ZSCAN2: variants seen among roughly 807,000 people sequenced by gnomAD.
ZSCAN2 encodes zinc finger and SCAN domain containing 2, also known as zinc finger and SCAN domain-containing protein 2.
ZSCAN2 carries 26 observed loss-of-function variants against 47.8 expected under a neutral mutation model. The ratio of observed to expected loss-of-function variants is 0.54; its 90% CI spans 0.40 to 0.75. ZSCAN2 has a LOEUF of 0.75. ZSCAN2 is among the 30% of genes least tolerant of loss of function. The pLI is 0.00. For missense variants in ZSCAN2, 732 were observed against 785.4 expected, an observed-to-expected ratio of 0.93 and a Z score of 0.81; for synonymous variants, 305 against 288.7, an observed-to-expected ratio of 1.06 and a Z score of -0.57.
Position 84,610,050 on chromosome 15 carries a change from C to T in ZSCAN2, c.406+5717C>T, listed in dbSNP as rs977574159. Among the ~76,000 whole-genome samples, 7 of 152,288 alleles carry T rather than the reference C, an allele frequency of 4.6e-5. No homozygotes were observed. In the East Asian group the frequency reaches 7.7e-4, roughly 17 times the overall value. Reference sequence around the variant, plus strand: ...GCTGTGCACGTGAGGCCAGAGCTCACGTGGCAAGTGCGAGAAATACAAGGA... The same window carrying T: ...GCTGTGCACGTGAGGCCAGAGCTCATGTGGCAAGTGCGAGAAATACAAGGA... On this transcript the variant is annotated intron_variant, in intron 2 of 2. Coordinates refer to ENST00000546148, the MANE Select transcript of ZSCAN2 (RefSeq NM_181877.4).
chr15:84,618,755 G>T (rs1394322498), intron 2 of ZSCAN2, among the ~76,000 whole-genome samples: 1 of 151,756 alleles, frequency 6.6e-6, no homozygotes, highest in Non-Finnish European at 1.5e-5. Context: ...TTAGAGACGG[G>T]GTTTCACCAT....
intron 2 of ZSCAN2, among the ~76,000 whole-genome samples, chr15:84,618,446 T>A (rs913540013): frequency 2.0e-5 from 3 of 152,054 alleles, no homozygotes; most frequent in Non-Finnish European, 2.9e-5. Flanking sequence ...CAGCTTTTTT[T>A]AGGATTGAGG....
At chr15:84,606,295 C>CT in intron 2 of ZSCAN2, 1 of 472,220 alleles carries the variant, frequency 2.1e-6, no homozygotes, top group Non-Finnish European at 3.8e-6. Flanking sequence ...GCTTGTCTCA[C>CT]TAAGAATCCT....
At chr15:84,619,217 G>A (rs1219244333) in intron 2 of ZSCAN2, among the ~76,000 whole-genome samples, 1 of 152,062 alleles carries the variant, frequency 6.6e-6, no homozygotes, top group African/African-American at 2.4e-5. Context: ...GGATCACAAG[G>A]TCAGGAGATC....
At chr15:84,607,866 AGTT>A (rs1046705795) in intron 2 of ZSCAN2, among the ~76,000 whole-genome samples, 62 of 152,206 alleles carry the variant, frequency 4.1e-4, no homozygotes, top group African/African-American at 1.5e-3. Context: ...ATAAAATCCC[AGTT>A]GTTCTTTGAG....
chr15:84,610,073 G>T (rs1895500231), intron 2 of ZSCAN2, among the ~76,000 whole-genome samples: 1 of 152,240 alleles, frequency 6.6e-6, no homozygotes, highest in Admixed American at 6.5e-5. Flanking sequence ...AGAAATACAA[G>T]GACCGTTGGC....
intron 2 of ZSCAN2, among the ~76,000 whole-genome samples, chr15:84,619,167 C>T (rs1344122432): frequency 6.6e-6 from 1 of 152,286 alleles, no homozygotes; most frequent in Non-Finnish European, 1.5e-5. Flanking sequence ...CGCGGTGGCT[C>T]ACGCCTGTAA....
At chr15:84,617,183 C>T (rs927455811) in intron 2 of ZSCAN2, among the ~76,000 whole-genome samples, 3 of 151,766 alleles carry the variant, frequency 2.0e-5, no homozygotes, top group Non-Finnish European at 4.4e-5. Flanking sequence ...CGCCTCTAAT[C>T]CCAGCACTTT....
rs542212140 is a variant in ZSCAN2, at chr15:84,611,289, A to T, written c.406+6956A>T. Among the ~76,000 whole-genome samples, 83 of 152,070 alleles carry T rather than the reference A, an allele frequency of 5.5e-4. 1 individual carries two copies. Among genetic ancestry groups the T allele is most frequent in the African/African-American group, 1.9e-3 (79 of 41,452 alleles). On this transcript the variant is annotated intron_variant, in intron 2 of 2. Coordinates refer to ENST00000546148, the MANE Select transcript of ZSCAN2 (RefSeq NM_181877.4). ...GAGCAAGACTCCGTCTCCAAAAAAA[A>T]AATTTTTTTCTTTTTAATTAGCCAG...
At chr15:84,614,580 C>T (rs940930141) in intron 2 of ZSCAN2, 2 of 152,172 alleles carry the variant, frequency 1.3e-5, no homozygotes, top group East Asian at 3.8e-4. Flanking sequence ...ATGTTCAAAG[C>T]TGTTTGCCTA....
intron 2 of ZSCAN2, among the ~76,000 whole-genome samples, chr15:84,619,005 G>A (rs973116820): frequency 4.6e-5 from 7 of 152,136 alleles, no homozygotes; most frequent in Admixed American, 2.6e-4. Context: ...CCTCATCCTC[G>A]GGTAGATTTT....
Position 84,603,950 on chromosome 15 carries a change from G to T in ZSCAN2, c.23G>T (p.Arg8Ile). 1 of 1,613,796 alleles carries T rather than the reference G, an allele frequency of 6.2e-7. No homozygotes were observed. The highest frequency in any genetic ancestry group is 2.2e-5 in the East Asian group (1 of 44,870). Residue 8 changes from arginine to isoleucine, a missense_variant, in exon 2 of 3, where the codon AGA becomes ATA. Physicochemically the swap from Arg to Ile is moderately conservative, Grantham distance 97. Coordinates refer to ENST00000546148, the MANE Select transcript of ZSCAN2 (RefSeq NM_181877.4). Reference sequence around the variant, plus strand: ...TGGATGATGGCTGCAGACATCCCGAGAGTGACCACTCCGCTGAGCTCCTTG... The same window carrying T: ...TGGATGATGGCTGCAGACATCCCGATAGTGACCACTCCGCTGAGCTCCTTG... MMAADIP[R>I]VTTPLSSLVQ...
rs1280050572 is a variant in ZSCAN2 at position 84,615,902 on chromosome 15, CATTTA to C, written c.407-4696_407-4692del. Among the ~76,000 whole-genome samples, 7 of 152,188 alleles carry C rather than the reference CATTTA, an allele frequency of 4.6e-5. 1 individual carries two copies. The highest frequency in any genetic ancestry group is 2.0e-4 in the Admixed American group (3 of 15,280). ...TATTCCTTTATAAAGGCAGTTGCCT[CATTTA>C]ATTATTTTTATGGATGGAAATGATC... On this transcript the variant is annotated intron_variant, in intron 2 of 2. Transcript: ENST00000546148.
At position 84,621,097 on chromosome 15, in the gene ZSCAN2, C is replaced by A; in HGVS notation, c.902C>A (p.Thr301Lys). Reference sequence around the variant, plus strand: ...CTCATAACCCACCAGAGGATCCACACGGGGGAAAAGCCCTTCCAGTGTGCC... The same window carrying A: ...CTCATAACCCACCAGAGGATCCACAAGGGGGAAAAGCCCTTCCAGTGTGCC... The part of the protein sequence containing the change: ...ANLITHQRIH[T>K]GEKPFQCAEC... The change falls in exon 3 of 3, where the codon ACG (threonine) becomes AAG (lysine). Residue 301 changes from threonine to lysine, a missense_variant. Thr to Lys is a moderately conservative substitution (Grantham distance 78). Transcript: ENST00000546148. The surrounding 1 kb of genome is among the most constrained non-coding windows in gnomAD (Gnocchi z 5.7). 1 of 1,614,004 alleles carries A rather than the reference C, an allele frequency of 6.2e-7. No homozygotes were observed.
chr15:84,610,308 A>C (rs1895506795), intron 2 of ZSCAN2, among the ~76,000 whole-genome samples: 1 of 152,208 alleles, frequency 6.6e-6, no homozygotes, highest in Non-Finnish European at 1.5e-5. Flanking sequence ...AATAGACAGG[A>C]TCTGAAATGA....
chr15:84,621,375 G>A lies in ZSCAN2; in HGVS notation c.1180G>A (p.Asp394Asn), dbSNP rs140001287. 1.2e-5 allele frequency: 19 copies of A among 1,613,726 alleles called. No individual in the cohort carries two copies. Among genetic ancestry groups the A allele is most frequent in the South Asian group, 3.3e-5 (3 of 91,054 alleles). The change falls in exon 3 of 3, where the codon GAC (aspartate) becomes AAC (asparagine). Residue 394 changes from aspartate (D) to asparagine (N), a missense_variant. Physicochemically the swap from Asp to Asn is conservative, Grantham distance 23 (BLOSUM62 1). Coordinates refer to ENST00000546148, the MANE Select transcript of ZSCAN2 (RefSeq NM_181877.4). This position sits in a 1 kb window ranked among gnomAD's most constrained non-coding sequence, Gnocchi z 5.7. ...AGGAGAGAAACCCTACAAATGTACC[G>A]ACTGTGGGCAGAGGTTCAGCCAGAG... ...HTGEKPYKCT[D>N]CGQRFSQSSA...
intron 2 of ZSCAN2, among the ~76,000 whole-genome samples, chr15:84,610,003 G>C (rs769528978): frequency 2.2e-4 from 34 of 152,248 alleles, no homozygotes; most frequent in Non-Finnish European, 1.8e-4. Flanking sequence ...GCAGGGCCCT[G>C]TGAACGGCCA....
At position 84,622,439 on chromosome 15, in the gene ZSCAN2, G is replaced by T; in HGVS notation, c.*399G>T. On this transcript the variant is annotated 3_prime_UTR_variant, in exon 3 of 3. Coordinates refer to ENST00000546148, the MANE Select transcript of ZSCAN2 (RefSeq NM_181877.4). The stretch of plus-strand genomic sequence containing the variant: ...AGAAATACTGGAAATCATTGGTGTG[G>T]TTCTGGTTGTTTTGTTGTTTTGCTG... 1 of 615,444 alleles carries T rather than the reference G, an allele frequency of 1.6e-6. No individual in the cohort carries two copies. The highest frequency in any genetic ancestry group is 2.0e-5 in the South Asian group (1 of 49,712). 38.1% of individuals were successfully genotyped at this position (615,444 alleles called of 1,614,324 possible).
intron 2 of ZSCAN2, among the ~76,000 whole-genome samples, chr15:84,618,342 C>T (rs1354690994): frequency 1.3e-5 from 2 of 152,008 alleles, no homozygotes; most frequent in African/African-American, 2.4e-5. Context: ...CTCTTGAACT[C>T]GGGAGGCTGA....
Sources: gnomAD v4.1 joint callset for allele counts (sites outside exome capture counted in the v4.1 genomes callset) on GRCh38, gnomAD v4.1.1 for gene constraint, Gnocchi (gnomAD v3.1) non-coding constraint, MANE v1.5 for transcripts, NCBI Gene and HGNC (gene_info 2026-07-23, HGNC 2026-07-21) for gene names.